SNRNP70: variants seen among roughly 807,000 people sequenced by gnomAD.
SNRNP70 encodes small nuclear ribonucleoprotein U1 subunit 70, also known as U1 small nuclear ribonucleoprotein 70 kDa.
SNRNP70 carries 8 observed loss-of-function variants against 50.5 expected under a neutral mutation model. The observed-to-expected ratio is 0.16, with a 90% CI of 0.09 to 0.29. SNRNP70 has a LOEUF of 0.29. Ranked by LOEUF, SNRNP70 falls within the 10% of genes least tolerant of loss-of-function variation. The probability of loss-of-function intolerance (pLI) is 1.00; values close to 1 mark genes in which losing one functional copy is unlikely to be tolerated. For synonymous variants in SNRNP70, 320 were observed against 252.9 expected (o/e 1.27, Z -2.52); for missense variants, 529 against 663.5 (o/e 0.80, Z 2.23).
chr19:49,101,879 G>C (rs1245947715), intron 7 of SNRNP70, among the ~76,000 whole-genome samples: 3 of 151,728 alleles, frequency 2.0e-5, no homozygotes, highest in Admixed American at 2.0e-4. Flanking sequence ...TCCCCCCCCA[G>C]TAGAACTGGG....
intron 1 of SNRNP70, 67 bp from the exon 2 acceptor site, chr19:49,086,338 A>G (rs181083940): frequency 1.3e-6 from 2 of 1,490,206 alleles, no homozygotes; most frequent in East Asian, 4.7e-5. Context: ...TTGAGAGTCA[A>G]GGAGTAACAG....
At chr19:49,092,617 C>T (rs770764239) in intron 4 of SNRNP70, among the ~76,000 whole-genome samples, 22 of 151,482 alleles carry the variant, frequency 1.5e-4, no homozygotes, top group Non-Finnish European at 1.5e-5. Context: ...CCATGTTGGC[C>T]AGGCTGGCCT....
rs868040478 is a variant in SNRNP70 at position 49,108,118 on chromosome 19, G to T, written c.989G>T (p.Gly330Val). ...SEAGDAPPDD[G>V]PPGELGPDGP... ...GCGGGTGACGCGCCCCCTGATGATG[G>T]GCCTCCAGGGGAGCTCGGGCCTGAC... is the stretch of plus-strand genomic sequence containing the variant. The change falls in exon 10 of 10, where the codon GGG (glycine) becomes GTG (valine). Residue 330 changes from glycine (G) to valine (V), a missense_variant. By Grantham distance (109) the Gly-to-Val change is moderately radical. Transcript: ENST00000598441. 3 of 1,546,180 alleles carry T rather than the reference G, an allele frequency of 1.9e-6. No individual in the cohort carries two copies. In the South Asian group the frequency reaches 3.6e-5, roughly 19 times the overall value.
At chr19:49,100,606 A>C (rs1261273567) in intron 6 of SNRNP70, among the ~76,000 whole-genome samples, 1 of 152,038 alleles carries the variant, frequency 6.6e-6, no homozygotes, top group Non-Finnish European at 1.5e-5. Flanking sequence ...GGATTTCAAG[A>C]CCAGCCTGGC....
At chr19:49,089,142 T>C (rs2040417716) in intron 2 of SNRNP70, among the ~76,000 whole-genome samples, 1 of 152,242 alleles carries the variant, frequency 6.6e-6, no homozygotes, top group Non-Finnish European at 1.5e-5. Context: ...ATCTGTTTGC[T>C]TTTGATAAAT....
chr19:49,108,092 G>C lies in SNRNP70; in HGVS notation c.963G>C (p.Glu321Asp), dbSNP rs2040701640. ...GTGGCGACATGGCGGAGCCCTCCGA[G>C]GCGGGTGACGCGCCCCCTGATGATG... The part of the protein sequence containing the change: ...GGGGDMAEPS[E>D]AGDAPPDDGP... Residue 321 changes from glutamate (E) to aspartate (D), a missense_variant, in exon 10 of 10, where the codon GAG becomes GAC. By Grantham distance (45) the Glu-to-Asp change is conservative. Coordinates refer to ENST00000598441, the MANE Select transcript of SNRNP70 (RefSeq NM_003089.6). 6.4e-7 allele frequency: 1 copy of C among 1,552,836 alleles called. No individual in the cohort carries two copies. Among genetic ancestry groups the C allele is most frequent in the Admixed American group, 2.0e-5 (1 of 49,902 alleles).
intron 8 of SNRNP70, among the ~76,000 whole-genome samples, chr19:49,105,944 G>A (rs1419950636): frequency 6.6e-6 from 1 of 152,142 alleles, no homozygotes; most frequent in East Asian, 1.9e-4. Context: ...ACTCAGTGTT[G>A]GGCCTGGGGT....
chr19:49,108,383 G>A lies in SNRNP70; in HGVS notation c.1254G>A (p.Glu418=). ...GCCGAGACATGTACATGGAGTCTGA[G>A]GGCGGCGACGGCTACCTGGCTCCGG... ...NDSRDMYMES[E]GGDGYLAPEN... is the part of the protein sequence containing the mutation. The change falls in exon 10 of 10, where the codon GAG becomes GAA. Residue 418 remains glutamate (E), a synonymous_variant. Transcript: ENST00000598441. The A allele has an allele frequency of 6.2e-7, 1 of 1,611,478 alleles. No individual in the cohort carries two copies. Among genetic ancestry groups the A allele is most frequent in the East Asian group, 2.2e-5 (1 of 44,734 alleles).
intron 2 of SNRNP70, among the ~76,000 whole-genome samples, chr19:49,088,149 C>T (rs1028841238): frequency 1.3e-5 from 2 of 151,214 alleles, no homozygotes; most frequent in African/African-American, 2.4e-5. Context: ...CCTTGGCCTC[C>T]CAGAGTGCTG....
chr19:49,089,434 G>C (rs1042249907), intron 2 of SNRNP70, among the ~76,000 whole-genome samples: 1 of 151,478 alleles, frequency 6.6e-6, no homozygotes. Flanking sequence ...CCCAGATCGC[G>C]CCATTGCACA....
chr19:49,104,837 A>T lies in SNRNP70; in HGVS notation c.577+102A>T. The T allele has an allele frequency of 1.5e-6, 1 of 677,624 alleles. No homozygotes were observed. Among genetic ancestry groups the T allele is most frequent in the Non-Finnish European group, 2.4e-6 (1 of 418,866 alleles). 42.0% of individuals were successfully genotyped at this position (677,624 alleles called of 1,614,324 possible). Reference sequence around the variant, plus strand: ...CTGCTTCTCTGTCTCCTGCCGGCCCACCTCTCCCATCGCGTCCTCATCTCC... The same window carrying T: ...CTGCTTCTCTGTCTCCTGCCGGCCCTCCTCTCCCATCGCGTCCTCATCTCC... On this transcript the variant is annotated intron_variant, in intron 8 of 9. Coordinates refer to ENST00000598441, the MANE Select transcript of SNRNP70 (RefSeq NM_003089.6). This position sits in a 1 kb window ranked among gnomAD's most constrained non-coding sequence, Gnocchi z 5.4.
At position 49,106,369 on chromosome 19, in the gene SNRNP70, A is replaced by G. The variant is rs576742943; in HGVS notation, c.578-1256A>G. On this transcript the variant is annotated intron_variant, in intron 8 of 9. Transcript: ENST00000598441. ...CAGAAATACTGTAACCTAAAGTTTG[A>G]GGAAACAGTTTTTTCTATGTAGTAA... Among the ~76,000 whole-genome samples, 4 of 152,336 alleles carry G rather than the reference A, an allele frequency of 2.6e-5. No individual in the cohort carries two copies. The South Asian group carries it at 8.3e-4, about 32-fold the overall frequency.
At chr19:49,090,144 C>T in intron 2 of SNRNP70, 147 bp from the exon 3 acceptor site, 2 of 696,630 alleles carry the variant, frequency 2.9e-6, no homozygotes, top group South Asian at 1.7e-5. Context: ...CACTCCCCTC[C>T]CTCCACTGTG....
At chr19:49,102,562 A>C (rs565669424) in intron 7 of SNRNP70, 1 of 201,466 alleles carries the variant, frequency 5.0e-6, no homozygotes, top group Non-Finnish European at 1.1e-5. Flanking sequence ...CGTGCTTTCT[A>C]TGGGGCTGCT....
intron 2 of SNRNP70, among the ~76,000 whole-genome samples, chr19:49,088,078 A>T (rs917386350): frequency 6.7e-6 from 1 of 148,728 alleles, no homozygotes; most frequent in African/African-American, 2.5e-5. Context: ...TTTAGTAGAG[A>T]TGGGGTTTCA....
rs776406935 is a variant in SNRNP70, at chr19:49,098,497, T to TC, written c.330+10dup. 10 of 1,612,948 alleles carry TC rather than the reference T, an allele frequency of 6.2e-6. 1 individual carries two copies. Among genetic ancestry groups the TC allele is most frequent in the Non-Finnish European group, 7.6e-6 (9 of 1,179,254 alleles). ...CTCTCTTCGTGGCGAGAGTGGTAAGTCCCCAGCTCCTAGCTCCTGGAACCC... is the reference window on the plus strand; with the variant it reads ...CTCTCTTCGTGGCGAGAGTGGTAAGTCCCCCAGCTCCTAGCTCCTGGAACCC... On this transcript the variant is annotated splice_region_variant and intron_variant, in intron 5 of 9. Transcript: ENST00000598441.
In SNRNP70 at chr19:49,104,599, C is replaced by T; in HGVS notation, c.476-35C>T. 1 of 1,482,096 alleles carries T rather than the reference C, an allele frequency of 6.7e-7. No homozygotes were observed. Among genetic ancestry groups the T allele is most frequent in the Non-Finnish European group, 9.2e-7 (1 of 1,084,262 alleles). The allele number at this position is 1,482,096 out of a possible 1,614,324, so 91.8% of individuals were successfully genotyped here. A position where few individuals can be genotyped will look rare whatever the true frequency, so the allele number is the denominator to read the frequency against. On this transcript the variant is annotated intron_variant, in intron 7 of 9. Transcript: ENST00000598441. The surrounding 1 kb of genome is among the most constrained non-coding windows in gnomAD (Gnocchi z 5.4). ...TCCTGACTAGAGGACCCTCTGGGGA[C>T]TCCTCTCCCCTCCCCCTCCCCACAT...
chr19:49,096,255 C>T (rs2040512069), intron 4 of SNRNP70, among the ~76,000 whole-genome samples: 1 of 151,308 alleles, frequency 6.6e-6, no homozygotes, highest in African/African-American at 2.4e-5. Flanking sequence ...CGGGGTTTCG[C>T]CATGTTTGCC....
rs765693038 is a variant in SNRNP70 at position 49,107,270 on chromosome 19, C to T, written c.578-355C>T. Among the ~76,000 whole-genome samples, 2 of 152,204 alleles carry T rather than the reference C, an allele frequency of 1.3e-5. No individual in the cohort carries two copies. Among genetic ancestry groups the T allele is most frequent in the Non-Finnish European group, 2.9e-5 (2 of 68,034 alleles). On this transcript the variant is annotated intron_variant, in intron 8 of 9. Transcript: ENST00000598441. This position sits in a 1 kb window ranked among gnomAD's most constrained non-coding sequence, Gnocchi z 6.0. Reference sequence around the variant, plus strand: ...CCAGCAAAGGCTTCTAAGCAGATCACATTTTTGGGTGGAAAGATCATTGGC... The same window carrying T: ...CCAGCAAAGGCTTCTAAGCAGATCATATTTTTGGGTGGAAAGATCATTGGC...
Sources: gnomAD v4.1 joint callset for allele counts (sites outside exome capture counted in the v4.1 genomes callset) on GRCh38, gnomAD v4.1.1 for gene constraint, Gnocchi (gnomAD v3.1) non-coding constraint, MANE v1.5 for transcripts, NCBI Gene and HGNC (gene_info 2026-07-23, HGNC 2026-07-21) for gene names.